The following EOGT variants were observed in gnomAD, a reference collection of about 807,000 sequenced individuals.
EOGT encodes the protein EGF domain specific O-linked N-acetylglucosamine transferase.
A neutral mutation model predicts 70.5 loss-of-function variants in EOGT; 55 were observed. The ratio of observed to expected loss-of-function variants is 0.78; its 90% CI spans 0.63 to 0.98. The LOEUF (loss-of-function observed/expected upper bound fraction) is 0.98. EOGT is among the 50% of genes least tolerant of loss of function. EOGT has a pLI of 0.00. For synonymous variants in EOGT, 246 were observed against 217.1 expected (o/e 1.13, Z -1.17); for missense variants, 703 against 641.9 (o/e 1.10, Z -1.03).
At chr3:69,004,683 A>G (rs2107360547) in intron 7 of EOGT, among the ~76,000 whole-genome samples, 1 of 152,264 alleles carries the variant, frequency 6.6e-6, no homozygotes, top group East Asian at 1.9e-4. Flanking sequence ...CAACTTTGCA[A>G]TGCGATTAAC....
intron 7 of EOGT, among the ~76,000 whole-genome samples, chr3:69,004,717 T>C (rs2091393505): frequency 6.6e-6 from 1 of 151,738 alleles, no homozygotes; most frequent in African/African-American, 2.4e-5. Flanking sequence ...GAGTCATCCA[T>C]CCCCCCACCC....
intron 10 of EOGT, among the ~76,000 whole-genome samples, chr3:68,990,159 C>T (rs1333542651): frequency 6.6e-6 from 1 of 151,978 alleles, no homozygotes; most frequent in Non-Finnish European, 1.5e-5. Context: ...ACCCACAAGC[C>T]TAATGAGTTG....
At position 69,009,581 on chromosome 3, in the gene EOGT, T is replaced by G; in HGVS notation, c.210+56A>C. 3.5e-6 allele frequency: 5 copies of G among 1,410,632 alleles called. No homozygotes were observed. In the South Asian group the frequency reaches 5.9e-5, roughly 17 times the overall value. The allele number at this position is 1,410,632 out of a possible 1,614,324, so 87.4% of individuals were successfully genotyped here. On this transcript the variant is annotated intron_variant, in intron 4 of 17. Coordinates refer to ENST00000383701, the MANE Select transcript of EOGT (RefSeq NM_001278689.2). ...GTTTCAGGTTATAAAGCAGAACCTG[T>G]AAGCCAGCTGAAATTGCATCCTCAT...
At chr3:69,003,308 T>A (rs2091349915) in intron 8 of EOGT, among the ~76,000 whole-genome samples, 1 of 152,184 alleles carries the variant, frequency 6.6e-6, no homozygotes, top group Admixed American at 6.5e-5. Context: ...AAGTTCTCCT[T>A]GTAGTATGAT....
intron 1 of EOGT, among the ~76,000 whole-genome samples, 190 bp downstream of exon 1, chr3:69,013,384 G>A (rs1174536062): frequency 2.0e-5 from 3 of 151,958 alleles, no homozygotes; most frequent in African/African-American, 4.8e-5. Context: ...GGGAGGGCCA[G>A]GATCGGCTTC....
intron 10 of EOGT, among the ~76,000 whole-genome samples, chr3:68,991,452 G>T (rs1315395609): frequency 6.6e-6 from 1 of 152,158 alleles, no homozygotes; most frequent in Non-Finnish European, 1.5e-5. Context: ...CACAGAACTG[G>T]AAACAAAACT....
intron 8 of EOGT, among the ~76,000 whole-genome samples, chr3:69,002,766 C>T (rs373737843): frequency 2.0e-5 from 3 of 152,052 alleles, no homozygotes; most frequent in East Asian, 1.9e-4. Flanking sequence ...GCAGTCCTCC[C>T]GCCTCAGCCT....
intron 5 of EOGT, among the ~76,000 whole-genome samples, chr3:69,008,053 C>T (rs1259556566): frequency 6.6e-6 from 1 of 152,186 alleles, no homozygotes; most frequent in Non-Finnish European, 1.5e-5. Context: ...AAGTTATCAC[C>T]TGAAACTGAA....
At chr3:69,000,744 A>G (rs1250190722) in intron 9 of EOGT, among the ~76,000 whole-genome samples, 1 of 152,152 alleles carries the variant, frequency 6.6e-6, no homozygotes, top group Non-Finnish European at 1.5e-5. Context: ...CCCCAGTGTA[A>G]CTAGTTCGCA....
rs529801496 is a variant in EOGT at position 69,002,319 on chromosome 3, A to G, written c.621-605T>C. On this transcript the variant is annotated intron_variant, in intron 8 of 17. Coordinates refer to ENST00000383701, the MANE Select transcript of EOGT (RefSeq NM_001278689.2). ...ATAAATGTTTGTATTTTAAGCTGCT[A>G]AATTTTAGAGTCATTTGTTATACAA... 4.9e-4 allele frequency among the ~76,000 whole-genome samples: 75 copies of G among 152,296 alleles called. No individual in the cohort carries two copies. The South Asian group carries it at 0.011, about 22-fold the overall frequency.
Position 68,976,124 on chromosome 3 carries a change from A to C in EOGT, c.*1494T>G, listed in dbSNP as rs965975225. On this transcript the variant is annotated 3_prime_UTR_variant, in exon 18 of 18. Coordinates refer to ENST00000383701, the MANE Select transcript of EOGT (RefSeq NM_001278689.2). ...CAAAGAGTGGGGCTACATTCCAGAT[A>C]TTCTTTTTAATCAATGACACTGTTT... 6.6e-6 allele frequency: 1 copy of C among 152,200 alleles called. No homozygotes were observed. The highest frequency in any genetic ancestry group is 1.5e-5 in the Non-Finnish European group (1 of 68,024). The allele number at this position is 152,200 out of a possible 1,614,324, so 9.4% of individuals were successfully genotyped here.
intron 14 of EOGT, among the ~76,000 whole-genome samples, chr3:68,985,454 C>T (rs1559591001): frequency 6.6e-6 from 1 of 152,090 alleles, no homozygotes; most frequent in Admixed American, 6.5e-5. Context: ...TGACACACAC[C>T]ACCTCCCCCC....
In EOGT at chr3:69,007,812, A is replaced by G; in HGVS notation, c.321T>C (p.Thr107=). The stretch of plus-strand genomic sequence containing the variant: ...AAAATATGTCCTCAGCTGACTCAAG[A>G]GTGTCCGTCCTATTTGCAAATAAAA... ...CSYVDMGWTD[T]LESAEDIFWK... Residue 107 remains threonine, a synonymous_variant, in exon 6 of 18, where the codon ACT becomes ACC. Coordinates refer to ENST00000383701, the MANE Select transcript of EOGT (RefSeq NM_001278689.2). The G allele has an allele frequency of 6.2e-7, 1 of 1,604,556 alleles. No individual in the cohort carries two copies. The highest frequency in any genetic ancestry group is 2.2e-5 in the East Asian group (1 of 44,614).
chr3:68,982,700 C>T (rs947771350), intron 15 of EOGT, 111 bp downstream of exon 15: 3 of 616,240 alleles, frequency 4.9e-6, no homozygotes, highest in South Asian at 2.8e-5. Flanking sequence ...TCTACTTGTC[C>T]CTTCTGGGCC....
At position 68,979,712 on chromosome 3, in the gene EOGT, C is replaced by CA. The variant is rs767878224; in HGVS notation, c.1289dup (p.Thr431AspfsTer14). ...AGTCTGGAAGGAAAAGTAAATGGGTCAGACCAGCTCCATGCATTCCAATAA... is the reference window on the plus strand; with the variant it reads ...AGTCTGGAAGGAAAAGTAAATGGGTCAAGACCAGCTCCATGCATTCCAATAA... On this transcript the variant is annotated frameshift_variant, in exon 16 of 18. Transcript: ENST00000383701. LOFTEE classifies it high-confidence loss of function. The CA allele has an allele frequency of 6.2e-7, 1 of 1,613,922 alleles. No individual in the cohort carries two copies. The highest frequency in any genetic ancestry group is 1.1e-5 in the South Asian group (1 of 91,060).
In EOGT at chr3:68,989,098, A is replaced by G. The variant is rs532654650; in HGVS notation, c.832-81T>C. On this transcript the variant is annotated intron_variant, in intron 10 of 17. Coordinates refer to ENST00000383701, the MANE Select transcript of EOGT (RefSeq NM_001278689.2). ...TTCAAAGATGCAACAAAATACCTGA[A>G]TTTGCCTGTGTTAAAAACTAACAAT... 27 of 763,798 alleles carry G rather than the reference A, an allele frequency of 3.5e-5. No homozygotes were observed. In the Admixed American group the frequency reaches 6.7e-4, roughly 19 times the overall value. The allele number at this position is 763,798 out of a possible 1,614,324, so 47.3% of individuals were successfully genotyped here. A position where few individuals can be genotyped will look rare whatever the true frequency, so the allele number is the denominator to read the frequency against.
intron 9 of EOGT, among the ~76,000 whole-genome samples, chr3:69,000,935 C>T (rs1455835724): frequency 6.6e-6 from 1 of 151,944 alleles, no homozygotes; most frequent in Non-Finnish European, 1.5e-5. Flanking sequence ...CTTTCCCACC[C>T]ATACTATACA....
At chr3:69,012,950 C>A (rs1203862379) in intron 1 of EOGT, among the ~76,000 whole-genome samples, 151 bp from the exon 2 acceptor site, 2 of 152,024 alleles carry the variant, frequency 1.3e-5, no homozygotes, top group African/African-American at 4.8e-5. Flanking sequence ...GAAAGTTCAA[C>A]ACGTGAGACC....
At chr3:68,982,750 G>T in intron 15 of EOGT, 61 bp downstream of exon 15, 3 of 1,256,472 alleles carry the variant, frequency 2.4e-6, no homozygotes, top group African/African-American at 1.5e-5. Context: ...ATGCTTTCTA[G>T]CCCCCTTGAC....
Sources: allele counts gnomAD v4.1 joint callset (sites outside exome capture counted in the v4.1 genomes callset), GRCh38; gene constraint gnomAD v4.1.1; transcripts MANE v1.5; gene names NCBI Gene and HGNC (gene_info 2026-07-23, HGNC 2026-07-21).